Variants in DIRAS2 observed in about 807,000 individuals in gnomAD.
DIRAS2 encodes DIRAS family GTPase 2, also known as GTP-binding protein Di-Ras2.
DIRAS2 carries 5 observed loss-of-function variants against 13.9 expected under a neutral mutation model. The observed-to-expected ratio is 0.36, with a 90% CI of 0.19 to 0.76. The LOEUF is 0.76. Among genes scored for constraint, DIRAS2 ranks in the 30% least tolerant of loss-of-function variants. DIRAS2 has a pLI of 0.53. For missense variants in DIRAS2, 191 were observed against 263.0 expected (o/e 0.73, Z 1.89); for synonymous variants, 111 against 105.4 (o/e 1.05, Z -0.33).
At chr9:90,636,131 G>A (rs544957336) in intron 1 of DIRAS2, among the ~76,000 whole-genome samples, 5 of 135,974 alleles carry the variant, frequency 3.7e-5, no homozygotes, top group East Asian at 2.4e-4. Context: ...TCCGCCTCCC[G>A]GGTTCACGCC....
At chr9:90,629,913 T>TAC (rs1159636944) in intron 1 of DIRAS2, among the ~76,000 whole-genome samples, 4 of 152,216 alleles carry the variant, frequency 2.6e-5, no homozygotes, top group Non-Finnish European at 5.9e-5. Flanking sequence ...TATTAGAAGT[T>TAC]ACACACAGAG....
chr9:90,630,241 T>C (rs1358302461), intron 1 of DIRAS2, among the ~76,000 whole-genome samples: 1 of 152,190 alleles, frequency 6.6e-6, no homozygotes, highest in Non-Finnish European at 1.5e-5. Flanking sequence ...GCTGTGGAAA[T>C]ACATTTTTGT....
chr9:90,641,120 TCTC>T (rs1342983047), intron 1 of DIRAS2, among the ~76,000 whole-genome samples: 3 of 152,106 alleles, frequency 2.0e-5, no homozygotes, highest in Admixed American at 1.3e-4. Flanking sequence ...AAAAAAAAGG[TCTC>T]CTCCACTCTT....
At chr9:90,628,416 C>A (rs1246517276) in intron 1 of DIRAS2, among the ~76,000 whole-genome samples, 1 of 152,174 alleles carries the variant, frequency 6.6e-6, no homozygotes, top group Non-Finnish European at 1.5e-5. Flanking sequence ...CAGCTGTGAT[C>A]ATCTTGCCAT....
At chr9:90,640,977 C>T (rs1825413767) in intron 1 of DIRAS2, among the ~76,000 whole-genome samples, 1 of 152,130 alleles carries the variant, frequency 6.6e-6, no homozygotes, top group Non-Finnish European at 1.5e-5. Flanking sequence ...AAAAGCACCC[C>T]AGTTGTTTTT....
intron 1 of DIRAS2, among the ~76,000 whole-genome samples, chr9:90,639,923 A>C (rs1825403715): frequency 6.6e-6 from 1 of 152,194 alleles, no homozygotes; most frequent in Non-Finnish European, 1.5e-5. Context: ...CTTTTAAATT[A>C]CCGTCAATTG....
rs555091073 is a variant in DIRAS2, at chr9:90,631,343, G to C, written c.-37+11409C>G. ...CAAAGTAAAGGGGCCGGGACAGGCA[G>C]GTCATGTAGAGCTTTGTAAGCACAG... On this transcript the variant is annotated intron_variant, in intron 1 of 1. Coordinates refer to ENST00000375765, the MANE Select transcript of DIRAS2 (RefSeq NM_017594.5). Among the ~76,000 whole-genome samples the C allele has an allele frequency of 1.1e-4, 16 of 152,320 alleles. No homozygotes were observed. The South Asian group carries it at 2.7e-3, about 26-fold the overall frequency.
At chr9:90,615,806 A>T (rs575762292) in intron 1 of DIRAS2, among the ~76,000 whole-genome samples, 3 of 152,278 alleles carry the variant, frequency 2.0e-5, no homozygotes, top group South Asian at 4.2e-4. Context: ...CCTCCTCATG[A>T]CCTCATCTAT....
intron 1 of DIRAS2, among the ~76,000 whole-genome samples, chr9:90,614,563 C>A (rs1421188755): frequency 1.3e-5 from 2 of 152,072 alleles, no homozygotes; most frequent in Admixed American, 6.6e-5. Context: ...AGGATACAAC[C>A]AAAGCATTGT....
intron 1 of DIRAS2, among the ~76,000 whole-genome samples, chr9:90,625,146 G>A (rs142481243): frequency 2.0e-5 from 3 of 152,304 alleles, no homozygotes; most frequent in East Asian, 1.9e-4. Context: ...TGGAGCACAC[G>A]AATCTGCATG....
At chr9:90,619,373 G>A (rs190038085) in intron 1 of DIRAS2, among the ~76,000 whole-genome samples, 7 of 152,268 alleles carry the variant, frequency 4.6e-5, no homozygotes, top group Non-Finnish European at 1.0e-4. Context: ...AACCCAGGAG[G>A]CAGAGGTTGC....
intron 1 of DIRAS2, among the ~76,000 whole-genome samples, chr9:90,642,023 T>A (rs996378133): frequency 6.6e-6 from 1 of 152,312 alleles, no homozygotes; most frequent in African/African-American, 2.4e-5. Flanking sequence ...CAAACCCACA[T>A]AGAATGTGAA....
Position 90,613,977 on chromosome 9 carries a change from A to C in DIRAS2, c.-36-114T>G. 9.4e-7 allele frequency: 1 copy of C among 1,061,222 alleles called. No homozygotes were observed. Among genetic ancestry groups the C allele is most frequent in the East Asian group, 2.7e-5 (1 of 37,476 alleles). 65.7% of individuals were successfully genotyped at this position (1,061,222 alleles called of 1,614,324 possible). On this transcript the variant is annotated intron_variant, in intron 1 of 1. Coordinates refer to ENST00000375765, the MANE Select transcript of DIRAS2 (RefSeq NM_017594.5). The surrounding 1 kb of genome is among the most constrained non-coding windows in gnomAD (Gnocchi z 5.6). ...AAAATGGGAGGTGATAACATTTAAA[A>C]TAGCGACAATTCTAAATCCAATAAA...
intron 1 of DIRAS2, among the ~76,000 whole-genome samples, chr9:90,615,619 C>T (rs1017753): frequency 0.5 from 76,567 of 152,050 alleles, 19,361 homozygotes; most frequent in Middle Eastern, 0.56. Context: ...AAGCAATCTA[C>T]TTCTTACAGT....
chr9:90,629,705 C>A (rs1196595099), intron 1 of DIRAS2, among the ~76,000 whole-genome samples: 1 of 152,180 alleles, frequency 6.6e-6, no homozygotes, highest in African/African-American at 2.4e-5. Context: ...TACTTTAAAT[C>A]ATTTCTAGGT....
intron 1 of DIRAS2, among the ~76,000 whole-genome samples, chr9:90,614,149 C>G (rs1270263483): frequency 2.6e-5 from 4 of 152,028 alleles, no homozygotes; most frequent in African/African-American, 9.7e-5. Context: ...AAAGTGAGCC[C>G]GAGAGACAGC....
At chr9:90,629,817 C>G (rs192047977) in intron 1 of DIRAS2, among the ~76,000 whole-genome samples, 3 of 152,138 alleles carry the variant, frequency 2.0e-5, no homozygotes, top group African/African-American at 7.2e-5. Flanking sequence ...ATGTTCAGTA[C>G]GGGCACAACC....
chr9:90,613,964 G>T lies in DIRAS2; in HGVS notation c.-36-101C>A. ...TTTTGATAGCTTAAAAATGGGAGGT[G>T]ATAACATTTAAAATAGCGACAATTC... On this transcript the variant is annotated intron_variant, in intron 1 of 1. Transcript: ENST00000375765. This position sits in a 1 kb window ranked among gnomAD's most constrained non-coding sequence, Gnocchi z 5.6. 8.6e-7 allele frequency: 1 copy of T among 1,164,144 alleles called. No homozygotes were observed. 72.1% of individuals were successfully genotyped at this position (1,164,144 alleles called of 1,614,324 possible).
chr9:90,613,857 G>T lies in DIRAS2; in HGVS notation c.-30C>A. 3.8e-6 allele frequency: 6 copies of T among 1,582,054 alleles called. No homozygotes were observed. The highest frequency in any genetic ancestry group is 5.2e-6 in the Non-Finnish European group (6 of 1,163,478). ...CTGGAGAGCTCCAACTCTCAGCCAG[G>T]ACGCACCTAGCAAAGGAACCAGATG... is the stretch of plus-strand genomic sequence containing the variant. On this transcript the variant is annotated 5_prime_UTR_variant, in exon 2 of 2. Transcript: ENST00000375765. The surrounding 1 kb of genome is among the most constrained non-coding windows in gnomAD (Gnocchi z 5.6).
Sources: gnomAD v4.1 joint callset for allele counts (sites outside exome capture counted in the v4.1 genomes callset) on GRCh38, gnomAD v4.1.1 for gene constraint, Gnocchi (gnomAD v3.1) non-coding constraint, MANE v1.5 for transcripts, NCBI Gene and HGNC (gene_info 2026-07-23, HGNC 2026-07-21) for gene names.